The following LAMA2 variants were observed in gnomAD, a reference collection of about 807,000 sequenced individuals.
LAMA2 encodes the protein laminin subunit alpha-2.
Under a neutral mutation model 364.8 loss-of-function variants are expected in LAMA2, and 269 were observed. That is an observed-to-expected ratio of 0.74 (90% CI 0.67 to 0.82). LAMA2 has a LOEUF of 0.82. Ranked by LOEUF, LAMA2 falls within the 40% of genes least tolerant of loss-of-function variation. The pLI, the probability that LAMA2 is intolerant of heterozygous loss-of-function variation, is 0.00. For missense variants in LAMA2, 3,807 were observed against 3,873.2 expected, an observed-to-expected ratio of 0.98 and a Z score of 0.45; for synonymous variants, 1,379 against 1,370.6, an observed-to-expected ratio of 1.01 and a Z score of -0.14.
At chr6:129,172,068 A>G (rs1303964191) in intron 9 of LAMA2, among the ~76,000 whole-genome samples, 1 of 144,988 alleles carries the variant, frequency 6.9e-6, no homozygotes, top group Non-Finnish European at 1.5e-5. Context: ...TTCTAGTTAT[A>G]CATTCTTCTA....
At chr6:129,036,898 A>G (rs892636828) in intron 1 of LAMA2, among the ~76,000 whole-genome samples, 11 of 152,152 alleles carry the variant, frequency 7.2e-5, no homozygotes, top group Non-Finnish European at 1.5e-4. Flanking sequence ...TTCCAGTTCT[A>G]TTAAACCCTT....
intron 1 of LAMA2, among the ~76,000 whole-genome samples, chr6:128,883,933 C>T (rs1312085223): frequency 1.3e-5 from 2 of 151,716 alleles, no homozygotes; most frequent in Non-Finnish European, 2.9e-5. Context: ...ATGGCAATGG[C>T]GCCTCCAGCC....
intron 4 of LAMA2, among the ~76,000 whole-genome samples, chr6:129,119,243 T>C (rs1163429244): frequency 6.6e-6 from 1 of 152,222 alleles, no homozygotes; most frequent in Non-Finnish European, 1.5e-5. Context: ...TTTGCACTTA[T>C]GAGGTTGTGT....
intron 1 of LAMA2, among the ~76,000 whole-genome samples, chr6:128,994,351 G>A (rs1783794554): frequency 6.6e-6 from 1 of 152,180 alleles, no homozygotes; most frequent in South Asian, 2.1e-4. Flanking sequence ...AAGAAATAGG[G>A]GGAACTTTTG....
At chr6:128,949,491 G>A (rs116727211) in intron 1 of LAMA2, among the ~76,000 whole-genome samples, 277 of 152,140 alleles carry the variant, frequency 1.8e-3, no homozygotes, top group African/African-American at 6.5e-3. Context: ...TCAAAATGTG[G>A]AAATGTTTGA....
chr6:129,167,670 T>C (rs1262994333), intron 9 of LAMA2, among the ~76,000 whole-genome samples: 3 of 152,334 alleles, frequency 2.0e-5, no homozygotes, highest in East Asian at 3.9e-4. Flanking sequence ...CCTTTGGGTA[T>C]ATACCCAGTA....
intron 40 of LAMA2, among the ~76,000 whole-genome samples, chr6:129,405,369 T>G (rs1316727043): frequency 1.3e-5 from 2 of 152,174 alleles, no homozygotes; most frequent in Admixed American, 1.3e-4. Flanking sequence ...AAGGAGGTGT[T>G]TAATTTTACC....
intron 1 of LAMA2, among the ~76,000 whole-genome samples, chr6:128,944,939 A>G (rs1233681816): frequency 2.6e-5 from 4 of 152,140 alleles, no homozygotes; most frequent in South Asian, 2.1e-4. Flanking sequence ...ATCTCCCACC[A>G]GGCCCCTCCC....
chr6:129,215,231 T>C (rs1187867511), intron 12 of LAMA2, among the ~76,000 whole-genome samples: 1 of 152,198 alleles, frequency 6.6e-6, no homozygotes, highest in East Asian at 1.9e-4. Flanking sequence ...CTCAAGGTTA[T>C]AGATAAAATG....
intron 3 of LAMA2, among the ~76,000 whole-genome samples, chr6:129,081,694 T>C (rs1347492104): frequency 1.3e-5 from 2 of 152,172 alleles, no homozygotes; most frequent in African/African-American, 2.4e-5. Flanking sequence ...GATTCATTGA[T>C]TTTCCTAAGG....
At chr6:129,179,938 GTAC>G (rs993066365) in intron 10 of LAMA2, among the ~76,000 whole-genome samples, 3 of 152,202 alleles carry the variant, frequency 2.0e-5, no homozygotes, top group Non-Finnish European at 2.9e-5. Flanking sequence ...TGCATGCAAT[GTAC>G]TACAATTAAG....
chr6:129,299,218 G>C (rs1773394971), intron 21 of LAMA2, among the ~76,000 whole-genome samples: 1 of 151,662 alleles, frequency 6.6e-6, no homozygotes, highest in Non-Finnish European at 1.5e-5. Context: ...GCCTGGATTT[G>C]TCTAAATGGC....
At chr6:129,101,135 A>G (rs1045911751) in intron 4 of LAMA2, among the ~76,000 whole-genome samples, 9 of 152,218 alleles carry the variant, frequency 5.9e-5, no homozygotes, top group African/African-American at 2.2e-4. Context: ...ATAAACCAGT[A>G]AATAAAACAT....
chr6:129,141,138 CAA>C (rs1485868283), intron 4 of LAMA2, among the ~76,000 whole-genome samples: 2 of 151,950 alleles, frequency 1.3e-5, no homozygotes, highest in East Asian at 3.9e-4. Flanking sequence ...TGGGGACAGT[CAA>C]GAGAGAATTT....
At position 129,453,113 on chromosome 6, in the gene LAMA2, T is replaced by C. The variant is rs1443093432; in HGVS notation, c.6555T>C (p.Tyr2185=). 6.2e-7 allele frequency: 1 copy of C among 1,612,980 alleles called. No homozygotes were observed. The highest frequency in any genetic ancestry group is 8.5e-7 in the Non-Finnish European group (1 of 1,179,440). The part of the protein sequence containing the change: ...KTAVADNLLF[Y]LGSAKFIDFL... The stretch of plus-strand genomic sequence containing the variant: ...CTGTTGCTGATAACCTCCTCTTTTA[T>C]CTTGGAAGTGCCAAATTTGTAAGTC... Residue 2185 remains tyrosine (Y), a synonymous_variant, in exon 46 of 65, where the codon TAT becomes TAC. Coordinates refer to ENST00000421865, the MANE Select transcript of LAMA2 (RefSeq NM_000426.4).
rs148060790 is a variant in LAMA2, at chr6:129,369,996, G to A, written c.4959+6G>A. 1.2e-5 allele frequency: 19 copies of A among 1,612,004 alleles called. No individual in the cohort carries two copies. Among genetic ancestry groups the A allele is most frequent in the Non-Finnish European group, 1.4e-5 (17 of 1,178,272 alleles). On this transcript the variant is annotated splice_donor_region_variant and intron_variant, in intron 34 of 64. Coordinates refer to ENST00000421865, the MANE Select transcript of LAMA2 (RefSeq NM_000426.4). Reference sequence around the variant, plus strand: ...TGAACGAGCTGCTGACCAGGGTAAGGTGGCAAAATTATGAATCTTCTGAAA... The same window carrying A: ...TGAACGAGCTGCTGACCAGGGTAAGATGGCAAAATTATGAATCTTCTGAAA...
intron 22 of LAMA2, among the ~76,000 whole-genome samples, chr6:129,312,191 C>CA (rs1380268893): frequency 1.3e-5 from 2 of 150,888 alleles, no homozygotes; most frequent in Non-Finnish European, 2.9e-5. Flanking sequence ...AAAATTCTAG[C>CA]AAAAATATGA....
Position 129,098,249 on chromosome 6 carries a change from TTGA to T in LAMA2, c.479_481del (p.Asp160del), listed in dbSNP as rs1192484658. ...GGAAACTGGATTTTGGAACGCTCTC[TTGA>T]TGATGTTGAATACAAGCCCTGGCAG... On this transcript the variant is annotated inframe_deletion, in exon 4 of 65. Transcript: ENST00000421865. The T allele has an allele frequency of 9.3e-6, 15 of 1,614,050 alleles. No homozygotes were observed. In the East Asian group the frequency reaches 3.1e-4, roughly 34 times the overall value.
At chr6:129,438,622 C>A (rs773469216) in intron 41 of LAMA2, 24 bp from the exon 42 acceptor site, 2 of 1,182,790 alleles carry the variant, frequency 1.7e-6, no homozygotes, top group South Asian at 1.2e-5. Flanking sequence ...TTATTTAATC[C>A]TTTTTTTTGT....
Sources: gnomAD v4.1 joint callset for allele counts (sites outside exome capture counted in the v4.1 genomes callset) on GRCh38, gnomAD v4.1.1 for gene constraint, MANE v1.5 for transcripts, NCBI Gene and HGNC (gene_info 2026-07-23, HGNC 2026-07-21) for gene names.